ZNF555: variants seen among roughly 807,000 people sequenced by gnomAD.
The protein encoded by ZNF555 is zinc finger protein 555.
Under a neutral mutation model 14.0 loss-of-function variants are expected in ZNF555, and 10 were observed. That is an observed-to-expected ratio of 0.72 (90% CI 0.44 to 1.21). The LOEUF is 1.21. Ranked by LOEUF, ZNF555 falls within the 50% of genes most tolerant of loss-of-function variation. The pLI, the probability that ZNF555 is intolerant of heterozygous loss-of-function variation, is 0.00. For synonymous variants in ZNF555, 277 were observed against 262.4 expected, an observed-to-expected ratio of 1.06 and a Z score of -0.54; for missense variants, 747 against 762.0, an observed-to-expected ratio of 0.98 and a Z score of 0.23.
chr19:2,851,825 A>C (rs533304119), intron 3 of ZNF555, among the ~76,000 whole-genome samples, 174 bp downstream of exon 3: 2 of 152,358 alleles, frequency 1.3e-5, no homozygotes, highest in Non-Finnish European at 2.9e-5. Flanking sequence ...AGTGAGTGAC[A>C]TTAGAAACAT....
chr19:2,844,752 C>A (rs767045469), intron 1 of ZNF555, among the ~76,000 whole-genome samples: 27 of 152,224 alleles, frequency 1.8e-4, no homozygotes, highest in Non-Finnish European at 3.8e-4. Flanking sequence ...GCAGGCAGGA[C>A]TTTCTAAGGT....
chr19:2,843,227 G>C (rs2087553699), intron 1 of ZNF555, among the ~76,000 whole-genome samples: 1 of 152,038 alleles, frequency 6.6e-6, no homozygotes, highest in Non-Finnish European at 1.5e-5. Context: ...GCACTGGTGC[G>C]ATCACAGCTC....
At chr19:2,849,119 C>G (rs1220064024) in intron 1 of ZNF555, among the ~76,000 whole-genome samples, 2 of 152,166 alleles carry the variant, frequency 1.3e-5, no homozygotes, top group African/African-American at 2.4e-5. Flanking sequence ...CTCTGCAGCT[C>G]TGTGAATAGG....
Position 2,857,007 on chromosome 19 carries a change from T to G in ZNF555, c.*3055T>G, listed in dbSNP as rs935668631. On this transcript the variant is annotated 3_prime_UTR_variant, in exon 4 of 4. Transcript: ENST00000334241. ...TTTTATAGGCCAAGGAGGCAGAAGC[T>G]TTTGTTTTAATGAGCCAGAAAGCCC... 2.6e-5 allele frequency: 4 copies of G among 152,206 alleles called. 1 individual carries two copies. The highest frequency in any genetic ancestry group is 2.6e-4 in the Admixed American group (4 of 15,278). The allele number at this position is 152,206 out of a possible 1,614,324, so 9.4% of individuals were successfully genotyped here.
chr19:2,849,651 A>ATT (rs879580652), intron 1 of ZNF555, among the ~76,000 whole-genome samples: 4 of 139,212 alleles, frequency 2.9e-5, no homozygotes, highest in Admixed American at 7.2e-5. Flanking sequence ...TGCCCGGCTA[A>ATT]TTTTTTTTTT....
intron 1 of ZNF555, 135 bp downstream of exon 1, chr19:2,841,710 C>G: frequency 9.1e-7 from 1 of 1,097,406 alleles, no homozygotes. Flanking sequence ...AGCCTGGGCC[C>G]CGGGGGTCCC....
chr19:2,859,886 C>T lies in ZNF555; in HGVS notation c.*5934C>T. The T allele has an allele frequency of 6.6e-6, 1 of 152,304 alleles. No homozygotes were observed. Among genetic ancestry groups the T allele is most frequent in the Non-Finnish European group, 1.5e-5 (1 of 68,040 alleles). 9.4% of individuals were successfully genotyped at this position (152,304 alleles called of 1,614,324 possible). Reference sequence around the variant, plus strand: ...TTGCCAAATGCATATGTCTGTTGAGCCTGGACATTAAGTATTTCTTGATGT... The same window carrying T: ...TTGCCAAATGCATATGTCTGTTGAGTCTGGACATTAAGTATTTCTTGATGT... On this transcript the variant is annotated 3_prime_UTR_variant, in exon 4 of 4. Coordinates refer to ENST00000334241, the MANE Select transcript of ZNF555 (RefSeq NM_152791.5).
Position 2,859,778 on chromosome 19 carries a change from C to T in ZNF555, c.*5826C>T, listed in dbSNP as rs2087716742. 1 of 152,428 alleles carries T rather than the reference C, an allele frequency of 6.6e-6. No homozygotes were observed. Among genetic ancestry groups the T allele is most frequent in the South Asian group, 2.1e-4 (1 of 4,838 alleles). The allele number at this position is 152,428 out of a possible 1,614,324, so 9.4% of individuals were successfully genotyped here. ...TCCTTTAGGGTTCGGGGGATCTCCT[C>T]CTTCCACAAGGGATGGATGTGAAGA... On this transcript the variant is annotated 3_prime_UTR_variant, in exon 4 of 4. Transcript: ENST00000334241.
rs1335255582 is a variant in ZNF555 at position 2,857,370 on chromosome 19, A to G, written c.*3418A>G. 1.3e-5 allele frequency: 2 copies of G among 152,220 alleles called. No homozygotes were observed. The highest frequency in any genetic ancestry group is 2.9e-5 in the Non-Finnish European group (2 of 68,048). 9.4% of individuals were successfully genotyped at this position (152,220 alleles called of 1,614,324 possible). ...AACCTGTGCTTAACCTATATTGGGC[A>G]TTGTCAAGACTTAAATTTAGAACAC... On this transcript the variant is annotated 3_prime_UTR_variant, in exon 4 of 4. Transcript: ENST00000334241.
Position 2,853,473 on chromosome 19 carries a change from C to G in ZNF555, c.1408C>G (p.His470Asp). Residue 470 changes from histidine to aspartate, a missense_variant, in exon 4 of 4, where the codon CAT becomes GAT. Transcript: ENST00000334241. ...CAGCTTGTCTGCTTGCTTTCGAGAA[C>G]ATGTGAGAATGCACCCTGAAGACAA... ...AFSLSACFRE[H>D]VRMHPEDKSY... The G allele has an allele frequency of 6.2e-7, 1 of 1,614,158 alleles. No homozygotes were observed.
rs893134057 is a variant in ZNF555 at position 2,841,783 on chromosome 19, C to T, written c.3+208C>T. On this transcript the variant is annotated intron_variant, in intron 1 of 3. Coordinates refer to ENST00000334241, the MANE Select transcript of ZNF555 (RefSeq NM_152791.5). ...GCGCTCCGAGCTCCGGGTCCCCGCC[C>T]GCCTCTGGCCCCAAGGCTGCAGAGC... is the stretch of plus-strand genomic sequence containing the variant. Among the ~76,000 whole-genome samples the T allele has an allele frequency of 1.4e-3, 220 of 151,806 alleles. 1 individual carries two copies. The highest frequency in any genetic ancestry group is 4.8e-3 in the African/African-American group (199 of 41,500).
chr19:2,841,661 A>G (rs2087537119), intron 1 of ZNF555, 86 bp downstream of exon 1: 1 of 1,378,514 alleles, frequency 7.3e-7, no homozygotes, highest in Admixed American at 3.5e-5. Flanking sequence ...GAGCTGAGGG[A>G]CGCGGGGGGC....
intron 1 of ZNF555, among the ~76,000 whole-genome samples, chr19:2,845,691 C>T (rs1247387451): frequency 6.6e-6 from 1 of 152,102 alleles, no homozygotes; most frequent in Non-Finnish European, 1.5e-5. Flanking sequence ...TTTTTATTTG[C>T]ATTTCTCTGA....
intron 1 of ZNF555, among the ~76,000 whole-genome samples, chr19:2,842,746 G>C (rs1401291668): frequency 1.3e-5 from 2 of 152,290 alleles, no homozygotes; most frequent in Non-Finnish European, 2.9e-5. Flanking sequence ...GAAGTTGGAA[G>C]ATAAAATATT....
intron 1 of ZNF555, 139 bp from the exon 2 acceptor site, chr19:2,850,448 G>C: frequency 8.4e-7 from 1 of 1,191,656 alleles, no homozygotes; most frequent in South Asian, 1.5e-5. Flanking sequence ...TAGACAGGAA[G>C]GAAGAGGTGT....
At chr19:2,842,290 A>T (rs1466915534) in intron 1 of ZNF555, among the ~76,000 whole-genome samples, 1 of 152,160 alleles carries the variant, frequency 6.6e-6, no homozygotes, top group Admixed American at 6.5e-5. Context: ...TGCCTGGGGT[A>T]GGTAAGGGGA....
At position 2,844,137 on chromosome 19, in the gene ZNF555, T is replaced by G. The variant is rs796269076; in HGVS notation, c.3+2562T>G. Among the ~76,000 whole-genome samples, 26 of 149,280 alleles carry G rather than the reference T, an allele frequency of 1.7e-4. 1 individual carries two copies. The highest frequency in any genetic ancestry group is 6.4e-4 in the African/African-American group (26 of 40,404). Reference sequence around the variant, plus strand: ...TTTTTTTAAAGAGGGAGTTTCACCCTTTTCGCCCAGGCTGGAGTGCAGTGG... The same window carrying G: ...TTTTTTTAAAGAGGGAGTTTCACCCGTTTCGCCCAGGCTGGAGTGCAGTGG... On this transcript the variant is annotated intron_variant, in intron 1 of 3. Transcript: ENST00000334241.
In ZNF555 at chr19:2,859,872, A is replaced by G. The variant is rs747448302; in HGVS notation, c.*5920A>G. 5 of 152,208 alleles carry G rather than the reference A, an allele frequency of 3.3e-5. No homozygotes were observed. Among genetic ancestry groups the G allele is most frequent in the Non-Finnish European group, 5.9e-5 (4 of 68,052 alleles). The allele number at this position is 152,208 out of a possible 1,614,324, so 9.4% of individuals were successfully genotyped here. A position where few individuals can be genotyped will look rare whatever the true frequency, so the allele number is the denominator to read the frequency against. ...GATGTGTGCACACCTTGCCAAATGC[A>G]TATGTCTGTTGAGCCTGGACATTAA... On this transcript the variant is annotated 3_prime_UTR_variant, in exon 4 of 4. Transcript: ENST00000334241.
chr19:2,859,170 T>C lies in ZNF555; in HGVS notation c.*5218T>C, dbSNP rs559544679. On this transcript the variant is annotated 3_prime_UTR_variant, in exon 4 of 4. Transcript: ENST00000334241. The stretch of plus-strand genomic sequence containing the variant: ...CACGGGCTCGCGTCTAAAAGAGCTG[T>C]GCTTTGTTGGGGCTATCTGGGAGTT... 1 of 152,372 alleles carries C rather than the reference T, an allele frequency of 6.6e-6. No individual in the cohort carries two copies. Among genetic ancestry groups the C allele is most frequent in the Admixed American group, 6.5e-5 (1 of 15,310 alleles). The allele number at this position is 152,372 out of a possible 1,614,324, so 9.4% of individuals were successfully genotyped here.
Sources: gnomAD v4.1 joint callset for allele counts (sites outside exome capture counted in the v4.1 genomes callset) on GRCh38, gnomAD v4.1.1 for gene constraint, MANE v1.5 for transcripts, NCBI Gene and HGNC (gene_info 2026-07-23, HGNC 2026-07-21) for gene names.